Variants in TTLL2 observed in about 807,000 individuals in gnomAD.
TTLL2 encodes tubulin tyrosine ligase like 2, also known as probable tubulin polyglutamylase TTLL2.
A neutral mutation model predicts 7.5 loss-of-function variants in TTLL2; 10 were observed. That is an observed-to-expected ratio of 1.33 (90% confidence interval 0.82 to 2.25). TTLL2 has a LOEUF of 2.25. Ranked by LOEUF, TTLL2 falls within the 30% of genes most tolerant of loss-of-function variation. The pLI is 0.00. For synonymous variants in TTLL2, 284 were observed against 280.3 expected (o/e 1.01, Z -0.13); for missense variants, 733 against 735.7 (o/e 1.00, Z 0.04).
Position 167,340,997 on chromosome 6 carries a change from G to T in TTLL2, c.1097G>T (p.Cys366Phe). ...IAPSVPFAAN[C>F]FELFGFDILI... The stretch of plus-strand genomic sequence containing the variant: ...CCATCTGTCCCCTTTGCTGCCAATT[G>T]CTTTGAGCTCTTTGGGTTTGATATT... The change falls in exon 3 of 3, where the codon TGC becomes TTC. Residue 366 changes from cysteine (C) to phenylalanine (F), a missense_variant. Transcript: ENST00000239587. 6.2e-7 allele frequency: 1 copy of T among 1,614,022 alleles called. No homozygotes were observed. The highest frequency in any genetic ancestry group is 8.5e-7 in the Non-Finnish European group (1 of 1,180,022).
At position 167,325,937 on chromosome 6, in the gene TTLL2, A is replaced by T. The variant is rs9364478; in HGVS notation, c.47+717A>T. Among the ~76,000 whole-genome samples the T allele has an allele frequency of 7.4e-3, 1,128 of 152,238 alleles. 30 individuals carry two copies. In the East Asian group the frequency reaches 0.087, roughly 12 times the overall value. Reference sequence around the variant, plus strand: ...ACATGCGAGCGGGAAGCGGGCTGTGACAGGCCGAACAGCGGCCGAGAACGG... The same window carrying T: ...ACATGCGAGCGGGAAGCGGGCTGTGTCAGGCCGAACAGCGGCCGAGAACGG... On this transcript the variant is annotated intron_variant, in intron 1 of 2. Transcript: ENST00000239587.
Position 167,341,073 on chromosome 6 carries a change from A to G in TTLL2, c.1173A>G (p.Pro391=), listed in dbSNP as rs1779084503. ...GGCTTTTAGAGGTCAACTACAGCCCAGCCTTGACCTTGGATTGTTCAACAG... is the reference window on the plus strand; with the variant it reads ...GGCTTTTAGAGGTCAACTACAGCCCGGCCTTGACCTTGGATTGTTCAACAG... The part of the protein sequence containing the change: ...KPWLLEVNYS[P]ALTLDCSTDV... The change falls in exon 3 of 3, where the codon CCA becomes CCG. Residue 391 remains proline (P), a synonymous_variant. Coordinates refer to ENST00000239587, the MANE Select transcript of TTLL2 (RefSeq NM_031949.5). 2 of 1,613,928 alleles carry G rather than the reference A, an allele frequency of 1.2e-6. No homozygotes were observed. Among genetic ancestry groups the G allele is most frequent in the Non-Finnish European group, 1.7e-6 (2 of 1,180,012 alleles).
rs774001980 is a variant in TTLL2, at chr6:167,341,674, T to C, written c.1774T>C (p.Ser592Pro). ...ELQKLMNKQH[S>P] ...CCAGAAACTAATGAATAAGCAACATTCCTAAGTGGTAAAAAATCAAATCAA... is the reference window on the plus strand; with the variant it reads ...CCAGAAACTAATGAATAAGCAACATCCCTAAGTGGTAAAAAATCAAATCAA... Residue 592 changes from serine (S) to proline (P), a missense_variant, in exon 3 of 3, where the codon TCC becomes CCC. Coordinates refer to ENST00000239587, the MANE Select transcript of TTLL2 (RefSeq NM_031949.5). 6.3e-7 allele frequency: 1 copy of C among 1,587,896 alleles called. No individual in the cohort carries two copies. Among genetic ancestry groups the C allele is most frequent in the Non-Finnish European group, 8.5e-7 (1 of 1,170,780 alleles).
intron 1 of TTLL2, 55 bp from the exon 2 acceptor site, chr6:167,338,592 C>A: frequency 1.3e-6 from 2 of 1,554,170 alleles, no homozygotes; most frequent in South Asian, 1.2e-5. Context: ...CTTATTAAAG[C>A]AACAGTGACA....
rs781121523 is a variant in TTLL2, at chr6:167,325,215, G to A, written c.42G>A (p.Ala14=). 37 of 1,571,496 alleles carry A rather than the reference G, an allele frequency of 2.4e-5. No individual in the cohort carries two copies. The highest frequency in any genetic ancestry group is 1.7e-4 in the Middle Eastern group (1 of 5,982). ...RDLCSSTQSQ[A]LGSLRTTTPA... ...TGTGTTCCTCCACACAAAGCCAGGCGCTGGGGTAAGCGTAGGAGGCGACAC... is the reference window on the plus strand; with the variant it reads ...TGTGTTCCTCCACACAAAGCCAGGCACTGGGGTAAGCGTAGGAGGCGACAC... The change falls in exon 1 of 3, where the codon GCG becomes GCA. Residue 14 remains alanine (A), a synonymous_variant. Coordinates refer to ENST00000239587, the MANE Select transcript of TTLL2 (RefSeq NM_031949.5).
intron 1 of TTLL2, among the ~76,000 whole-genome samples, chr6:167,333,665 T>C (rs1336083425): frequency 3.9e-5 from 1 of 25,390 alleles, no homozygotes; most frequent in Non-Finnish European, 7.3e-5. Flanking sequence ...CCTGGTTTAG[T>C]CTTGGGAGAG....
intron 1 of TTLL2, among the ~76,000 whole-genome samples, chr6:167,326,579 G>A (rs554913676): frequency 3.5e-4 from 53 of 152,214 alleles, no homozygotes; most frequent in Middle Eastern, 6.8e-3. Context: ...GCTACTGTGC[G>A]TTCCTACCCA....
At position 167,341,365 on chromosome 6, in the gene TTLL2, G is replaced by A. The variant is rs1052525107; in HGVS notation, c.1465G>A (p.Glu489Lys). 2 of 1,613,720 alleles carry A rather than the reference G, an allele frequency of 1.2e-6. No homozygotes were observed. The highest frequency in any genetic ancestry group is 1.3e-5 in the African/African-American group (1 of 74,780). Residue 489 changes from glutamate (E) to lysine (K), a missense_variant, in exon 3 of 3, where the codon GAA (glutamate) becomes AAA (lysine). By Grantham distance (56) the Glu-to-Lys change is moderately conservative (BLOSUM62 1). Transcript: ENST00000239587. ...TGAAGCTGCACCTGCCTCCCAGCTGGAAGGAGAGATGAGTGGGCAGGATTT... is the reference window on the plus strand; with the variant it reads ...TGAAGCTGCACCTGCCTCCCAGCTGAAAGGAGAGATGAGTGGGCAGGATTT... ...RPEAAPASQLEGEMSGQDFHL... is the reference protein window; with the variant it reads ...RPEAAPASQLKGEMSGQDFHL...
In TTLL2 at chr6:167,341,215, G is replaced by A. The variant is rs767071019; in HGVS notation, c.1315G>A (p.Ala439Thr). Residue 439 changes from alanine to threonine, a missense_variant, in exon 3 of 3, where the codon GCT becomes ACT. By Grantham distance (58) the Ala-to-Thr change is moderately conservative. Transcript: ENST00000239587. Reference protein sequence around the residue: ...NATHGNSNIDAAKSDRGGLDA... With the variant: ...NATHGNSNIDTAKSDRGGLDA... ...CACACATGGAAATTCCAACATCGAC[G>A]CTGCAAAAAGTGACAGAGGTGGGCT... The A allele has an allele frequency of 1.7e-5, 28 of 1,613,594 alleles. No homozygotes were observed. The highest frequency in any genetic ancestry group is 2.4e-5 in the Non-Finnish European group (28 of 1,179,968).
At chr6:167,331,607 T>G (rs1472946789) in intron 1 of TTLL2, among the ~76,000 whole-genome samples, 1 of 152,218 alleles carries the variant, frequency 6.6e-6, no homozygotes, top group Admixed American at 6.5e-5. Flanking sequence ...GTTTTGTGGC[T>G]GAATAGTGTT....
Position 167,338,768 on chromosome 6 carries a change from A to G in TTLL2, c.169A>G (p.Arg57Gly). The G allele has an allele frequency of 1.9e-6, 3 of 1,613,456 alleles. No individual in the cohort carries two copies. Among genetic ancestry groups the G allele is most frequent in the Non-Finnish European group, 2.5e-6 (3 of 1,179,622 alleles). ...LQEAGVSIPP[R>G]RGRPTPTLEK... is the part of the protein sequence containing the mutation. ...GGAAGCAGGTGTTTCCATCCCTCCC[A>G]GGCGAGGCCGCCCAACACCAACACT... The change falls in exon 2 of 3, where the codon AGG becomes GGG. Residue 57 changes from arginine to glycine, a missense_variant. Physicochemically the swap from Arg to Gly is moderately radical, Grantham distance 125 (BLOSUM62 -2). Transcript: ENST00000239587.
At position 167,341,140 on chromosome 6, in the gene TTLL2, C is replaced by A; in HGVS notation, c.1240C>A (p.Leu414Met). 1 of 1,613,816 alleles carries A rather than the reference C, an allele frequency of 6.2e-7. No homozygotes were observed. Among genetic ancestry groups the A allele is most frequent in the Non-Finnish European group, 8.5e-7 (1 of 1,179,988 alleles). Residue 414 changes from leucine to methionine, a missense_variant, in exon 3 of 3, where the codon CTG becomes ATG. By Grantham distance (15) the Leu-to-Met change is conservative (BLOSUM62 2). Coordinates refer to ENST00000239587, the MANE Select transcript of TTLL2 (RefSeq NM_031949.5). ...KRKLVHDIID[L>M]IYLNGLRNEG... ...AAAACTTGTCCATGATATTATTGAC[C>A]TGATTTACTTAAATGGTCTAAGAAA...
At position 167,338,786 on chromosome 6, in the gene TTLL2, C is replaced by T. The variant is rs34350976; in HGVS notation, c.187C>T (p.Pro63Ser). 21,310 of 1,611,092 alleles carry T rather than the reference C, an allele frequency of 0.013. 1,033 individuals carry two copies. The highest frequency in any genetic ancestry group is 0.13 in the Admixed American group (7,844 of 59,672). The change falls in exon 2 of 3, where the codon CCA becomes TCA. Residue 63 changes from proline to serine, a missense_variant. By Grantham distance (74) the Pro-to-Ser change is moderately conservative (BLOSUM62 -1). Coordinates refer to ENST00000239587, the MANE Select transcript of TTLL2 (RefSeq NM_031949.5). ...CCCTCCCAGGCGAGGCCGCCCAACA[C>T]CAACACTGGAGAAGAAGGTGGGTGG... ...SIPPRRGRPT[P>S]TLEKKKKPHL...
intron 1 of TTLL2, 141 bp from the exon 2 acceptor site, chr6:167,338,506 C>CAG (rs3841396): frequency 0.67 from 723,337 of 1,084,252 alleles, 245,887 homozygotes; most frequent in African/African-American, 0.86. Flanking sequence ...TAGCATGGAA[C>CAG]AATTTGAAAG....
In TTLL2 at chr6:167,340,434, C is replaced by T; in HGVS notation, c.534C>T (p.Ile178=). 1.2e-6 allele frequency: 2 copies of T among 1,614,168 alleles called. No homozygotes were observed. Among genetic ancestry groups the T allele is most frequent in the Non-Finnish European group, 8.5e-7 (1 of 1,180,030 alleles). Residue 178 remains isoleucine (I), a synonymous_variant, in exon 3 of 3, where the codon ATC becomes ATT. Transcript: ENST00000239587. ...RMYGTSLYQF[I]PLTFVMPNDY... is the part of the protein sequence containing the mutation. ...ATGGCACTTCCCTGTACCAGTTCAT[C>T]CCCCTGACGTTCGTCATGCCCAATG...
At chr6:167,329,314 G>A (rs1301713352) in intron 1 of TTLL2, among the ~76,000 whole-genome samples, 1 of 152,132 alleles carries the variant, frequency 6.6e-6, no homozygotes, top group Non-Finnish European at 1.5e-5. Flanking sequence ...ACTCAACAGC[G>A]TGACTTCCCA....
At chr6:167,331,149 A>G (rs1344937584) in intron 1 of TTLL2, among the ~76,000 whole-genome samples, 1 of 152,138 alleles carries the variant, frequency 6.6e-6, no homozygotes, top group African/African-American at 2.4e-5. Flanking sequence ...TTAATTGTAT[A>G]TATTCATTGG....
Position 167,340,606 on chromosome 6 carries a change from A to G in TTLL2, c.706A>G (p.Met236Val). The change falls in exon 3 of 3, where the codon ATG becomes GTG. Residue 236 changes from methionine (M) to valine (V), a missense_variant. Coordinates refer to ENST00000239587, the MANE Select transcript of TTLL2 (RefSeq NM_031949.5). The part of the protein sequence containing the change: ...SDFKDFIFDD[M>V]YIVQKYISNP... ...CTTTAAAGACTTCATCTTTGATGAT[A>G]TGTACATAGTGCAGAAATATATCTC... 1 of 1,614,210 alleles carries G rather than the reference A, an allele frequency of 6.2e-7. No homozygotes were observed. The highest frequency in any genetic ancestry group is 8.5e-7 in the Non-Finnish European group (1 of 1,180,038).
intron 1 of TTLL2, 71 bp downstream of exon 1, chr6:167,325,291 T>C: frequency 1.4e-6 from 2 of 1,420,906 alleles, no homozygotes; most frequent in Non-Finnish European, 1.9e-6. Flanking sequence ...GACCAGCCCC[T>C]TCCCGAGAGC....
Sources: gnomAD v4.1 joint callset for allele counts (sites outside exome capture counted in the v4.1 genomes callset) on GRCh38, gnomAD v4.1.1 for gene constraint, MANE v1.5 for transcripts, NCBI Gene and HGNC (gene_info 2026-07-23, HGNC 2026-07-21) for gene names.